Variants in HACE1 observed in about 807,000 individuals in gnomAD.
HACE1 encodes the protein E3 ubiquitin-protein ligase HACE1.
Under a neutral mutation model 118.4 loss-of-function variants are expected in HACE1, and 73 were observed. The ratio of observed to expected loss-of-function variants is 0.62; its 90% confidence interval spans 0.51 to 0.75. The LOEUF (loss-of-function observed/expected upper bound fraction) is 0.75, where lower values mean the gene tolerates loss of function less well. HACE1 is among the 30% of genes least tolerant of loss of function. HACE1 has a pLI of 0.00. For synonymous variants in HACE1, 368 were observed against 374.8 expected, an observed-to-expected ratio of 0.98 and a Z score of 0.21; for missense variants, 749 against 1,102.2, an observed-to-expected ratio of 0.68 and a Z score of 4.54.
chr6:104,821,072 G>C (rs1772662251), intron 6 of HACE1, among the ~76,000 whole-genome samples: 1 of 152,168 alleles, frequency 6.6e-6, no homozygotes, highest in Non-Finnish European at 1.5e-5. Flanking sequence ...ATTATCCTTA[G>C]CAAACTAACA....
chr6:104,777,248 G>A lies in HACE1; in HGVS notation c.1636C>T (p.His546Tyr). The change falls in exon 15 of 24, where the codon CAC (histidine) becomes TAC (tyrosine). Residue 546 changes from histidine (H) to tyrosine (Y), a missense_variant. His to Tyr is a moderately conservative substitution (Grantham distance 83). Around this residue, in one of 5 missense-constraint regions of HACE1, gnomAD observed 195 missense variants for 322.1 expected, o/e 0.61. Transcript: ENST00000262903. The stretch of plus-strand genomic sequence containing the variant: ...ATATCATTTTCATTCACTGGCCTGT[G>A]CACCATATCTGAATCTGGCTGTCCT... Reference protein sequence around the residue: ...HSGQPDSDMVHRPVNENDILL... With the variant: ...HSGQPDSDMVYRPVNENDILL... 6.2e-7 allele frequency: 1 copy of A among 1,613,522 alleles called. No homozygotes were observed. Among genetic ancestry groups the A allele is most frequent in the Non-Finnish European group, 8.5e-7 (1 of 1,179,444 alleles).
At chr6:104,811,264 A>ATATG in intron 7 of HACE1, 47 bp downstream of exon 7, 1 of 400,472 alleles carries the variant, frequency 2.5e-6, no homozygotes, top group Non-Finnish European at 4.7e-6. Flanking sequence ...ATATATATAT[A>ATATG]TATATATATG....
chr6:104,849,301 T>C (rs1775950581), intron 3 of HACE1, 55 bp from the exon 4 acceptor site: 1 of 1,023,278 alleles, frequency 9.8e-7, no homozygotes. Context: ...CCATACTTGA[T>C]GTAGTTCAAT....
chr6:104,746,957 T>G (rs1240980314), intron 20 of HACE1, among the ~76,000 whole-genome samples: 2 of 152,210 alleles, frequency 1.3e-5, no homozygotes, highest in Non-Finnish European at 2.9e-5. Context: ...TCAAGAAATT[T>G]GAAGCACTTC....
chr6:104,809,963 T>C (rs1771425825), intron 7 of HACE1, among the ~76,000 whole-genome samples: 1 of 151,846 alleles, frequency 6.6e-6, no homozygotes. Context: ...GAGGAAAAAC[T>C]GGGGGAAAGG....
intron 19 of HACE1, among the ~76,000 whole-genome samples, chr6:104,766,593 CAT>C (rs1780037577): frequency 6.6e-6 from 1 of 152,156 alleles, no homozygotes; most frequent in African/African-American, 2.4e-5. Flanking sequence ...AAAATTTAAT[CAT>C]ATAAGACTAG....
At chr6:104,845,343 T>C (rs557638159) in intron 4 of HACE1, among the ~76,000 whole-genome samples, 15 of 152,284 alleles carry the variant, frequency 9.9e-5, no homozygotes, top group African/African-American at 3.1e-4. Flanking sequence ...TTCTCATTGA[T>C]TGAATAAAAC....
chr6:104,765,810 G>A (rs1779942168), intron 19 of HACE1, among the ~76,000 whole-genome samples: 1 of 152,190 alleles, frequency 6.6e-6, no homozygotes, highest in Non-Finnish European at 1.5e-5. Flanking sequence ...TTTATGCAGT[G>A]TTATTCTATT....
intron 1 of HACE1, among the ~76,000 whole-genome samples, chr6:104,859,044 G>A (rs1253657812): frequency 6.6e-6 from 1 of 152,172 alleles, no homozygotes; most frequent in Non-Finnish European, 1.5e-5. Context: ...TACCCATACA[G>A]TACTTTAAGA....
chr6:104,846,563 T>C (rs1038437072), intron 4 of HACE1, among the ~76,000 whole-genome samples: 1 of 152,002 alleles, frequency 6.6e-6, no homozygotes, highest in East Asian at 1.9e-4. Flanking sequence ...AGGAGGACAA[T>C]CCAATACAGC....
chr6:104,784,310 G>T, intron 13 of HACE1, 107 bp downstream of exon 13: 1 of 901,138 alleles, frequency 1.1e-6, no homozygotes, highest in Non-Finnish European at 1.9e-6. Context: ...ATTTGTTATT[G>T]AGCATATTTT....
intron 22 of HACE1, among the ~76,000 whole-genome samples, chr6:104,738,228 C>G (rs1206637138): frequency 1.3e-5 from 2 of 152,104 alleles, no homozygotes; most frequent in African/African-American, 2.4e-5. Context: ...AAAAACAGAA[C>G]AGAAAAACCG....
intron 19 of HACE1, among the ~76,000 whole-genome samples, chr6:104,758,404 T>A (rs573913583): frequency 3.9e-5 from 6 of 152,278 alleles, no homozygotes; most frequent in South Asian, 2.1e-4. Context: ...TCAGTATTCT[T>A]AAAGAAAAGA....
At chr6:104,859,421 G>T in intron 1 of HACE1, 146 bp downstream of exon 1, 1 of 662,090 alleles carries the variant, frequency 1.5e-6, no homozygotes, top group Non-Finnish European at 2.4e-6. Context: ...TCGGGGCCCG[G>T]GGCCGCCTCT....
At chr6:104,815,371 T>C (rs1158231599) in intron 6 of HACE1, among the ~76,000 whole-genome samples, 1 of 124,644 alleles carries the variant, frequency 8.0e-6, no homozygotes, top group South Asian at 2.4e-4. Flanking sequence ...GTGGAAGAAA[T>C]TTTTTTTTTT....
At chr6:104,844,038 T>C (rs1000684273) in intron 4 of HACE1, among the ~76,000 whole-genome samples, 1 of 151,238 alleles carries the variant, frequency 6.6e-6, no homozygotes, top group Non-Finnish European at 1.5e-5. Context: ...GTATGGGTTT[T>C]TTTTTTTTTT....
chr6:104,780,903 A>G (rs552212711), intron 14 of HACE1, among the ~76,000 whole-genome samples: 1 of 152,244 alleles, frequency 6.6e-6, no homozygotes, highest in East Asian at 1.9e-4. Context: ...CAGGTCTTTA[A>G]AACTGACTGC....
intron 7 of HACE1, among the ~76,000 whole-genome samples, chr6:104,801,474 C>A (rs1403907630): frequency 6.6e-6 from 1 of 152,126 alleles, no homozygotes; most frequent in Non-Finnish European, 1.5e-5. Context: ...AGAGAAAGGT[C>A]AGTTACCCAC....
intron 20 of HACE1, among the ~76,000 whole-genome samples, chr6:104,746,633 T>G (rs1225234492): frequency 6.6e-6 from 1 of 152,220 alleles, no homozygotes; most frequent in Non-Finnish European, 1.5e-5. Context: ...TCTTCAGTCC[T>G]AGGGATGATA....
Sources: allele counts gnomAD v4.1 joint callset (sites outside exome capture counted in the v4.1 genomes callset), GRCh38; gene constraint gnomAD v4.1.1; regional missense constraint gnomAD v4.1.1; transcripts MANE v1.5; gene names NCBI Gene and HGNC (gene_info 2026-07-23, HGNC 2026-07-21).